Variants in TAFA1 observed in about 807,000 individuals in gnomAD.
TAFA1 encodes TAFA chemokine like family member 1.
A neutral mutation model predicts 18.5 loss-of-function variants in TAFA1; 4 were observed. That is an observed-to-expected ratio of 0.22 (90% CI 0.11 to 0.49). The LOEUF (loss-of-function observed/expected upper bound fraction) is 0.49. TAFA1 is among the 20% of genes least tolerant of loss of function. The pLI is 0.98. For synonymous variants in TAFA1, 56 were observed against 55.2 expected (o/e 1.01, Z -0.06); for missense variants, 147 against 169.0 (o/e 0.87, Z 0.72).
intron 2 of TAFA1, among the ~76,000 whole-genome samples, chr3:68,252,267 G>A (rs1185628277): frequency 6.6e-6 from 1 of 152,042 alleles, no homozygotes; most frequent in Non-Finnish European, 1.5e-5. Flanking sequence ...CTCAAGTCTT[G>A]TCTGCTCTCA....
At chr3:68,318,478 GTCTT>G (rs1400357304) in intron 2 of TAFA1, among the ~76,000 whole-genome samples, 1 of 152,166 alleles carries the variant, frequency 6.6e-6, no homozygotes, top group Non-Finnish European at 1.5e-5. Flanking sequence ...AAGCTTGAAT[GTCTT>G]TCTGCTGAGG....
chr3:68,423,541 T>TA (rs2070998038), intron 3 of TAFA1, among the ~76,000 whole-genome samples: 1 of 152,136 alleles, frequency 6.6e-6, no homozygotes, highest in Non-Finnish European at 1.5e-5. Flanking sequence ...TGTGGATACT[T>TA]ACAGAAACAC....
intron 3 of TAFA1, among the ~76,000 whole-genome samples, chr3:68,456,227 G>T (rs983942246): frequency 7.2e-5 from 11 of 152,168 alleles, no homozygotes; most frequent in African/African-American, 2.4e-4. Context: ...AAGACTCAGG[G>T]GTTAGCAACT....
intron 2 of TAFA1, among the ~76,000 whole-genome samples, chr3:68,221,939 A>G (rs4855538): frequency 0.32 from 48,674 of 152,084 alleles, 8,210 homozygotes; most frequent in East Asian, 0.62. Flanking sequence ...ACACTGAAAT[A>G]TAATAGGGAA....
chr3:68,297,336 A>C (rs1419608810), intron 2 of TAFA1, among the ~76,000 whole-genome samples: 1 of 152,186 alleles, frequency 6.6e-6, no homozygotes, highest in Admixed American at 6.5e-5. Context: ...TTTCTACAGA[A>C]GCCAACAGTT....
intron 3 of TAFA1, among the ~76,000 whole-genome samples, chr3:68,507,391 G>A (rs1451344620): frequency 6.6e-6 from 1 of 151,824 alleles, no homozygotes; most frequent in East Asian, 1.9e-4. Context: ...TTATTTATAT[G>A]GAAAAAATGA....
At chr3:67,999,307 G>A (rs1001997879), upstream of TAFA1, among the ~76,000 whole-genome samples, 2 of 151,040 alleles carry the variant, frequency 1.3e-5, no homozygotes, top group South Asian at 2.1e-4. Context: ...GTGTGTGTAT[G>A]TGTGTGTCTA....
chr3:68,475,879 G>T (rs1204754715), intron 3 of TAFA1, among the ~76,000 whole-genome samples: 1 of 152,184 alleles, frequency 6.6e-6, no homozygotes, highest in Non-Finnish European at 1.5e-5. Context: ...GTATCTCATT[G>T]TGGTTTTAAT....
chr3:68,392,195 A>G (rs2106714839), intron 2 of TAFA1, among the ~76,000 whole-genome samples: 2 of 143,342 alleles, frequency 1.4e-5, no homozygotes, highest in Admixed American at 1.4e-4. Flanking sequence ...AAAAAAAAAA[A>G]AGTAGGGATT....
chr3:67,992,310 A>G, the TAFA1 span, among the ~76,000 whole-genome samples: 1 of 152,226 alleles, frequency 6.6e-6, no homozygotes, highest in East Asian at 1.9e-4. Context: ...TGAAACATCT[A>G]TTTGGCAAGG....
intron 2 of TAFA1, among the ~76,000 whole-genome samples, chr3:68,088,254 C>T (rs553248786): frequency 1.3e-4 from 20 of 152,294 alleles, no homozygotes; most frequent in Admixed American, 1.2e-3. Flanking sequence ...ATCATACTGT[C>T]AGACTGCCTC....
intron 2 of TAFA1, among the ~76,000 whole-genome samples, chr3:68,328,650 A>G (rs186445197): frequency 1.3e-5 from 2 of 152,256 alleles, no homozygotes; most frequent in African/African-American, 4.8e-5. Context: ...CATTTTTATT[A>G]TGCAGTTTAT....
At chr3:68,351,253 C>T (rs1040765160) in intron 2 of TAFA1, among the ~76,000 whole-genome samples, 1 of 152,038 alleles carries the variant, frequency 6.6e-6, no homozygotes, top group Non-Finnish European at 1.5e-5. Flanking sequence ...ACCTGGGTTG[C>T]TTGTTGAAAG....
intron 2 of TAFA1, among the ~76,000 whole-genome samples, chr3:68,194,741 G>A (rs1267905259): frequency 6.6e-6 from 1 of 151,604 alleles, no homozygotes; most frequent in Non-Finnish European, 1.5e-5. Context: ...TTGCAACTTA[G>A]GACAAAATAC....
chr3:68,498,444 C>G (rs556375887), intron 3 of TAFA1, among the ~76,000 whole-genome samples: 1 of 152,206 alleles, frequency 6.6e-6, no homozygotes, highest in East Asian at 1.9e-4. Context: ...AATGCCACAG[C>G]TGTGCAAAAT....
intron 3 of TAFA1, among the ~76,000 whole-genome samples, chr3:68,522,290 A>G (rs1511889): frequency 0.79 from 120,195 of 152,034 alleles, 47,601 homozygotes; most frequent in East Asian, 0.89. Flanking sequence ...TTTCCTCACT[A>G]CAAATTCTCA....
chr3:68,348,324 A>T (rs1347911071), intron 2 of TAFA1, among the ~76,000 whole-genome samples: 3 of 152,176 alleles, frequency 2.0e-5, no homozygotes, highest in Non-Finnish European at 2.9e-5. Flanking sequence ...TTTATGTATC[A>T]TTATACTCAT....
intron 2 of TAFA1, among the ~76,000 whole-genome samples, chr3:68,394,321 A>G (rs1183650038): frequency 6.6e-6 from 1 of 152,202 alleles, no homozygotes; most frequent in African/African-American, 2.4e-5. Flanking sequence ...CAAATGGAAA[A>G]ACATTCCATG....
chr3:68,092,385 G>T (rs2065039896), intron 2 of TAFA1, among the ~76,000 whole-genome samples: 1 of 152,152 alleles, frequency 6.6e-6, no homozygotes, highest in Non-Finnish European at 1.5e-5. Flanking sequence ...AGATCTAGAA[G>T]CCTAAGTGGT....
Sources: gnomAD v4.1 joint callset for allele counts (sites outside exome capture counted in the v4.1 genomes callset) on GRCh38, gnomAD v4.1.1 for gene constraint, MANE v1.5 for transcripts, NCBI Gene and HGNC (gene_info 2026-07-23, HGNC 2026-07-21) for gene names.